Variants in ARHGEF3 observed in about 807,000 individuals in gnomAD.
ARHGEF3 encodes Rho guanine nucleotide exchange factor 3, also known as 59.8 kDA protein.
A neutral mutation model predicts 63.2 loss-of-function variants in ARHGEF3; 28 were observed. The observed-to-expected ratio is 0.44, with a 90% CI of 0.33 to 0.61. ARHGEF3 has a LOEUF of 0.61. ARHGEF3 is among the 20% of genes least tolerant of loss of function. The pLI, the probability that ARHGEF3 is intolerant of heterozygous loss-of-function variation, is 0.03. For missense variants in ARHGEF3, 533 were observed against 659.3 expected (o/e 0.81, Z 2.10); for synonymous variants, 266 against 254.2 (o/e 1.05, Z -0.44).
chr3:56,963,552 T>C (rs893393600), intron 2 of ARHGEF3, among the ~76,000 whole-genome samples: 1 of 152,192 alleles, frequency 6.6e-6, no homozygotes, highest in South Asian at 2.1e-4. Context: ...CGTCAGCAAG[T>C]TGTATATGTT....
chr3:57,071,681 C>T (rs542340297), intron 1 of ARHGEF3, among the ~76,000 whole-genome samples: 4 of 150,918 alleles, frequency 2.7e-5, no homozygotes, highest in Non-Finnish European at 5.9e-5. Flanking sequence ...AAAAAATATG[C>T]CTTAGGCATA....
chr3:57,069,628 A>G (rs1198937351), intron 1 of ARHGEF3, among the ~76,000 whole-genome samples: 3 of 142,912 alleles, frequency 2.1e-5, no homozygotes, highest in Non-Finnish European at 4.5e-5. Context: ...ACATAAGTAC[A>G]TGTCAGGGTG....
At chr3:57,014,201 A>C (rs531737766) in intron 2 of ARHGEF3, among the ~76,000 whole-genome samples, 2 of 152,306 alleles carry the variant, frequency 1.3e-5, no homozygotes, top group Non-Finnish European at 2.9e-5. Flanking sequence ...CCAGAAGGAA[A>C]AAACTCCAAA....
chr3:56,804,307 C>T (rs1212870875), upstream of ARHGEF3, among the ~76,000 whole-genome samples: 2 of 152,196 alleles, frequency 1.3e-5, no homozygotes, highest in African/African-American at 4.8e-5. Flanking sequence ...TTTGTTTTTA[C>T]TTCCTGGGGA....
chr3:57,013,701 G>A (rs142619558), intron 2 of ARHGEF3, among the ~76,000 whole-genome samples: 4,012 of 152,236 alleles, frequency 0.026, 177 homozygotes, highest in African/African-American at 0.091. Context: ...ATCTAGTGGA[G>A]ACTTGGAGAA....
intron 2 of ARHGEF3, among the ~76,000 whole-genome samples, chr3:56,996,893 T>TA (rs1553801032): frequency 3.2e-5 from 3 of 94,580 alleles, no homozygotes; most frequent in Admixed American, 1.0e-4. Flanking sequence ...TATTATTATT[T>TA]TTTTTTTTTT....
chr3:56,807,192 C>T (rs925340524), intron 4 of ARHGEF3, among the ~76,000 whole-genome samples: 6 of 151,978 alleles, frequency 3.9e-5, no homozygotes, highest in African/African-American at 1.4e-4. Flanking sequence ...GGCCTGAGTT[C>T]CTTTTTCTTT....
chr3:56,828,708 A>G (rs533755432), intron 4 of ARHGEF3, among the ~76,000 whole-genome samples: 61 of 152,132 alleles, frequency 4.0e-4, no homozygotes, highest in African/African-American at 1.4e-3. Context: ...GTAAGAACTG[A>G]CTCTGGTCCA....
chr3:56,763,839 T>C lies in ARHGEF3; in HGVS notation c.205-8688A>G, dbSNP rs538407133. ...ATCCTCTTGTTTCAGCCTCACAAAG[T>C]GATGGAATTACAGGTGTGAGCCACT... is the stretch of plus-strand genomic sequence containing the variant. On this transcript the variant is annotated intron_variant, in intron 2 of 9. Transcript: ENST00000296315. Among the ~76,000 whole-genome samples, 5 of 152,218 alleles carry C rather than the reference T, an allele frequency of 3.3e-5. No homozygotes were observed. In the South Asian group the frequency reaches 1.0e-3, roughly 32 times the overall value.
chr3:56,814,008 A>G (rs895256594), intron 4 of ARHGEF3, among the ~76,000 whole-genome samples: 9 of 152,186 alleles, frequency 5.9e-5, no homozygotes, highest in Admixed American at 6.5e-5. Flanking sequence ...CCTTCCCCCA[A>G]ATTAATTCTC....
At chr3:57,014,250 C>G (rs1190555618) in intron 2 of ARHGEF3, among the ~76,000 whole-genome samples, 1 of 152,138 alleles carries the variant, frequency 6.6e-6, no homozygotes, top group Non-Finnish European at 1.5e-5. Context: ...CCGGACACAC[C>G]ATCTTTAAGA....
Position 57,074,355 on chromosome 3 carries a change from C to A in ARHGEF3, c.-28+4871G>T, listed in dbSNP as rs550406095. 16 of 1,219,580 alleles carry A rather than the reference C, an allele frequency of 1.3e-5. No homozygotes were observed. The African/African-American group carries it at 2.3e-4, about 17-fold the overall frequency. The allele number at this position is 1,219,580 out of a possible 1,614,324, so 75.5% of individuals were successfully genotyped here. ...TATGCCCTCCCTTCCATCCCCCACCCCCACCAGGGGTGACTCGTAGCCATC... is the reference window on the plus strand; with the variant it reads ...TATGCCCTCCCTTCCATCCCCCACCACCACCAGGGGTGACTCGTAGCCATC... On this transcript the variant is annotated intron_variant, in intron 1 of 12. Transcript: ENST00000338458.
intron 9 of ARHGEF3, 168 bp downstream of exon 9, chr3:56,732,068 CTG>C: frequency 6.5e-6 from 5 of 764,732 alleles, no homozygotes; most frequent in Non-Finnish European, 8.3e-6. Flanking sequence ...AGATGAGAAA[CTG>C]AGAATCACAG....
chr3:57,038,725 G>A lies in ARHGEF3; in HGVS notation c.-27-3549C>T, dbSNP rs538411576. Reference sequence around the variant, plus strand: ...CTACCAAAGAGGTGGGATTACAGGCGTCAGCCATCGCCTCAGACCTATACC... The same window carrying A: ...CTACCAAAGAGGTGGGATTACAGGCATCAGCCATCGCCTCAGACCTATACC... On this transcript the variant is annotated intron_variant, in intron 1 of 12. Transcript: ENST00000338458. Among the ~76,000 whole-genome samples, 10 of 152,268 alleles carry A rather than the reference G, an allele frequency of 6.6e-5. No homozygotes were observed. In the South Asian group the frequency reaches 1.7e-3, roughly 25 times the overall value.
At chr3:56,772,480 A>T (rs145254712) in intron 2 of ARHGEF3, among the ~76,000 whole-genome samples, 1 of 152,312 alleles carries the variant, frequency 6.6e-6, no homozygotes, top group East Asian at 1.9e-4. Flanking sequence ...TGCCAAGCAA[A>T]AGCATTCAGG....
intron 2 of ARHGEF3, among the ~76,000 whole-genome samples, chr3:56,974,647 G>A (rs1249036139): frequency 6.6e-6 from 1 of 152,082 alleles, no homozygotes; most frequent in Non-Finnish European, 1.5e-5. Context: ...AAAGCAAAGG[G>A]ATCGTTCTCC....
intron 3 of ARHGEF3, among the ~76,000 whole-genome samples, chr3:56,948,658 G>C (rs1295694849): frequency 1.3e-5 from 2 of 152,072 alleles, no homozygotes; most frequent in African/African-American, 2.4e-5. Context: ...ACCAAAAAAA[G>C]TCCAGGACCA....
intron 4 of ARHGEF3, among the ~76,000 whole-genome samples, chr3:56,843,002 C>A (rs1325352340): frequency 6.6e-6 from 1 of 152,156 alleles, no homozygotes; most frequent in Non-Finnish European, 1.5e-5. Flanking sequence ...TCTAGTTATA[C>A]AAGTAACACA....
chr3:56,808,764 C>T (rs970574180), intron 4 of ARHGEF3, among the ~76,000 whole-genome samples: 1 of 152,230 alleles, frequency 6.6e-6, no homozygotes, highest in Non-Finnish European at 1.5e-5. Context: ...TTTTACCTCC[C>T]AGCAGATATT....
Sources: gnomAD v4.1 joint callset for allele counts (sites outside exome capture counted in the v4.1 genomes callset) on GRCh38, gnomAD v4.1.1 for gene constraint, MANE v1.5 for transcripts, NCBI Gene and HGNC (gene_info 2026-07-23, HGNC 2026-07-21) for gene names.